FAM107B: variants seen among roughly 807,000 people sequenced by gnomAD.
FAM107B encodes the protein family with sequence similarity 107 member B, also known as protein FAM107B.
FAM107B carries 21 observed loss-of-function variants against 31.5 expected under a neutral mutation model. The ratio of observed to expected loss-of-function variants is 0.67; its 90% CI spans 0.47 to 0.96. The LOEUF (loss-of-function observed/expected upper bound fraction) is 0.96. Ranked by LOEUF, FAM107B falls within the 40% of genes least tolerant of loss-of-function variation. The probability of loss-of-function intolerance (pLI) is 0.00; values close to 1 mark genes in which losing one functional copy is unlikely to be tolerated. For synonymous variants in FAM107B, 157 were observed against 141.5 expected, an observed-to-expected ratio of 1.11 and a Z score of -0.78; for missense variants, 452 against 377.1, an observed-to-expected ratio of 1.20 and a Z score of -1.64.
intron 2 of FAM107B, chr10:14,554,121 A>G: frequency 2.0e-6 from 2 of 985,276 alleles, no homozygotes; most frequent in Non-Finnish European, 2.4e-6. Flanking sequence ...CAGGCATCTC[A>G]GATAAGCTGG....
intron 1 of FAM107B, among the ~76,000 whole-genome samples, chr10:14,686,625 C>A (rs1854995470): frequency 6.6e-6 from 1 of 152,142 alleles, no homozygotes; most frequent in South Asian, 2.1e-4. Context: ...TTTTGGTAAA[C>A]CTACATTTTT....
chr10:14,620,052 G>A (rs528765446), intron 2 of FAM107B, among the ~76,000 whole-genome samples: 3 of 122,920 alleles, frequency 2.4e-5, no homozygotes, highest in South Asian at 4.8e-4. Flanking sequence ...ATGGAGTCTC[G>A]CTCTGTCGCC....
intron 1 of FAM107B, among the ~76,000 whole-genome samples, chr10:14,737,609 G>A (rs541910925): frequency 7.4e-5 from 11 of 148,448 alleles, no homozygotes; most frequent in African/African-American, 2.8e-4. Context: ...GAGAGACTCG[G>A]CCTCCAAAAC....
intron 2 of FAM107B, chr10:14,548,680 C>G: frequency 1.0e-6 from 1 of 982,856 alleles, no homozygotes; most frequent in Non-Finnish European, 1.2e-6. Context: ...CTTCCTCCAT[C>G]GCCTCATTGG....
intron 2 of FAM107B, among the ~76,000 whole-genome samples, chr10:14,616,011 C>T (rs1852840126): frequency 6.6e-6 from 1 of 152,280 alleles, no homozygotes; most frequent in East Asian, 1.9e-4. Context: ...ATCACAAAAA[C>T]TTCCCTTAAT....
chr10:14,771,991 C>T (rs1449774518), intron 1 of FAM107B, among the ~76,000 whole-genome samples: 2 of 152,190 alleles, frequency 1.3e-5, no homozygotes, highest in Non-Finnish European at 2.9e-5. Flanking sequence ...CACATCCTCT[C>T]TTTGTGGCCT....
intron 1 of FAM107B, among the ~76,000 whole-genome samples, chr10:14,674,148 G>C (rs75084593): frequency 0.034 from 5,170 of 152,198 alleles, 284 homozygotes; most frequent in African/African-American, 0.12. Context: ...ATGAAACTAG[G>C]AGAAGAAAAC....
rs941665461 is a variant in FAM107B at position 14,731,637 on chromosome 10, C to A, written c.411+42616G>T. On this transcript the variant is annotated intron_variant, in intron 1 of 4. Transcript: ENST00000181796. ...TCAATGCATGCACAGTCATGTCCTG[C>A]ATAATGATGTTTGGGTCAACAACAG... Among the ~76,000 whole-genome samples, 7 of 152,206 alleles carry A rather than the reference C, an allele frequency of 4.6e-5. No homozygotes were observed. The East Asian group carries it at 1.2e-3, about 25-fold the overall frequency.
chr10:14,663,585 A>C (rs1033934407), intron 2 of FAM107B: 2 of 152,238 alleles, frequency 1.3e-5, no homozygotes, highest in Admixed American at 1.3e-4. Context: ...CATCACATTA[A>C]AAGGAAGTTC....
At chr10:14,620,353 A>C (rs1852977795) in intron 2 of FAM107B, among the ~76,000 whole-genome samples, 1 of 152,030 alleles carries the variant, frequency 6.6e-6, no homozygotes, top group African/African-American at 2.4e-5. Flanking sequence ...ATGTCTCTGT[A>C]TATCTAACCT....
At chr10:14,765,936 G>A (rs1328338727) in intron 1 of FAM107B, among the ~76,000 whole-genome samples, 1 of 152,168 alleles carries the variant, frequency 6.6e-6, no homozygotes, top group Non-Finnish European at 1.5e-5. Flanking sequence ...TATTAGATAA[G>A]GGGGATGCAG....
chr10:14,747,446 T>A (rs11259297), intron 1 of FAM107B, among the ~76,000 whole-genome samples: 31,375 of 152,168 alleles, frequency 0.21, 4,453 homozygotes, highest in African/African-American at 0.4. Context: ...TCAATCTGTG[T>A]GGCTGCTGGC....
rs149253797 is a variant in FAM107B, at chr10:14,575,307, G to A, written c.470-44792C>T. 2.2e-3 allele frequency among the ~76,000 whole-genome samples: 334 copies of A among 152,006 alleles called. 1 individual carries two copies. Among genetic ancestry groups the A allele is most frequent in the African/African-American group, 7.5e-3 (312 of 41,472 alleles). On this transcript the variant is annotated intron_variant, in intron 2 of 4. Transcript: ENST00000181796. ...CAGCCTCCACCTCCCAGGTTCAAGCGATTCTCCTGCCTCAGCCTCCTGAGT... is the reference window on the plus strand; with the variant it reads ...CAGCCTCCACCTCCCAGGTTCAAGCAATTCTCCTGCCTCAGCCTCCTGAGT...
intron 2 of FAM107B, among the ~76,000 whole-genome samples, chr10:14,656,783 A>T (rs1288010022): frequency 6.6e-6 from 1 of 152,106 alleles, no homozygotes; most frequent in Non-Finnish European, 1.5e-5. Flanking sequence ...CGCAGCTTGC[A>T]GCACACACAA....
At chr10:14,721,693 G>T (rs1855916683) in intron 1 of FAM107B, among the ~76,000 whole-genome samples, 1 of 152,170 alleles carries the variant, frequency 6.6e-6, no homozygotes, top group Non-Finnish European at 1.5e-5. Flanking sequence ...TGTTGGGGTT[G>T]TTTGGTTTAT....
At chr10:14,636,735 A>C (rs976776599) in intron 2 of FAM107B, among the ~76,000 whole-genome samples, 2 of 152,170 alleles carry the variant, frequency 1.3e-5, no homozygotes, top group Non-Finnish European at 2.9e-5. Flanking sequence ...AATTCAGCCC[A>C]TAATGCATAT....
intron 2 of FAM107B, among the ~76,000 whole-genome samples, chr10:14,531,529 T>C (rs867159809): frequency 3.0e-4 from 31 of 103,152 alleles, no homozygotes; most frequent in Middle Eastern, 6.2e-3. Context: ...CTCATATCTC[T>C]AAAAGAAAAG....
intron 2 of FAM107B, among the ~76,000 whole-genome samples, chr10:14,585,727 G>A (rs979340313): frequency 6.6e-6 from 1 of 152,192 alleles, no homozygotes; most frequent in Non-Finnish European, 1.5e-5. Context: ...CATGAGACAG[G>A]TAAACCATGG....
chr10:14,637,292 T>C (rs1222427085), intron 2 of FAM107B, among the ~76,000 whole-genome samples: 1 of 152,118 alleles, frequency 6.6e-6, no homozygotes, highest in Non-Finnish European at 1.5e-5. Context: ...TACCCTAGAA[T>C]AATATCCTCC....
Sources: allele counts gnomAD v4.1 joint callset (sites outside exome capture counted in the v4.1 genomes callset), GRCh38; gene constraint gnomAD v4.1.1; transcripts MANE v1.5; gene names NCBI Gene and HGNC (gene_info 2026-07-23, HGNC 2026-07-21).